CSMD2: variants seen among roughly 807,000 people sequenced by gnomAD.
CSMD2 encodes CUB and sushi domain-containing protein 2.
CSMD2 carries 130 observed loss-of-function variants against 398.5 expected under a neutral mutation model. That is an observed-to-expected ratio of 0.33 (90% CI 0.28 to 0.38). The LOEUF is 0.38. Among genes scored for constraint, CSMD2 ranks in the 10% least tolerant of loss-of-function variants. The pLI is 1.00. For missense variants in CSMD2, 3,829 were observed against 4,764.9 expected, an observed-to-expected ratio of 0.80 and a Z score of 5.78; for synonymous variants, 1,828 against 1,908.5, an observed-to-expected ratio of 0.96 and a Z score of 1.10.
intron 3 of CSMD2, among the ~76,000 whole-genome samples, chr1:33,993,799 T>C (rs1646638152): frequency 6.6e-6 from 1 of 152,118 alleles, no homozygotes; most frequent in Admixed American, 6.6e-5. Flanking sequence ...AAACTCACTC[T>C]CCTAGACCCC....
At chr1:33,570,933 C>T (rs1659538419) in intron 51 of CSMD2, among the ~76,000 whole-genome samples, 1 of 152,194 alleles carries the variant, frequency 6.6e-6, no homozygotes, top group South Asian at 2.1e-4. Context: ...TTCCTTCCCT[C>T]CTTTCCCTTC....
intron 6 of CSMD2, among the ~76,000 whole-genome samples, chr1:33,831,738 C>T (rs1659592027): frequency 1.3e-5 from 2 of 152,020 alleles, no homozygotes; most frequent in South Asian, 2.1e-4. Flanking sequence ...AGAGTCAAGA[C>T]CCATCAGTGT....
intron 64 of CSMD2, among the ~76,000 whole-genome samples, chr1:33,529,584 T>G (rs879539246): frequency 6.6e-6 from 1 of 152,090 alleles, no homozygotes; most frequent in Non-Finnish European, 1.5e-5. Context: ...GATAGCCACA[T>G]AAAAAAGAAT....
chr1:33,788,011 G>T (rs1262745312), intron 12 of CSMD2, among the ~76,000 whole-genome samples: 1 of 152,078 alleles, frequency 6.6e-6, no homozygotes, highest in South Asian at 2.1e-4. Context: ...AAATAAGTGA[G>T]GCCTCTTAAA....
At chr1:33,886,743 G>A (rs1260404239) in intron 5 of CSMD2, among the ~76,000 whole-genome samples, 2 of 152,188 alleles carry the variant, frequency 1.3e-5, no homozygotes, top group East Asian at 1.9e-4. Flanking sequence ...GACAGGCCTC[G>A]GCTAAGGGAC....
At chr1:33,970,606 G>A (rs1645726686) in intron 3 of CSMD2, among the ~76,000 whole-genome samples, 1 of 152,200 alleles carries the variant, frequency 6.6e-6, no homozygotes, top group Admixed American at 6.5e-5. Context: ...CTCCTTCCCA[G>A]CCCGGGCCTT....
rs941245128 is a variant in CSMD2, at chr1:33,617,369, G to C, written c.5946+130C>G. On this transcript the variant is annotated intron_variant, in intron 38 of 70. Transcript: ENST00000373381. ...CTTTTGCATGAACAGCTCCAGGAGA[G>C]GATAATGGTACCCGGGGGACCTGGG... 7.2e-6 allele frequency: 5 copies of C among 694,466 alleles called. No homozygotes were observed. In the African/African-American group the frequency reaches 8.8e-5, roughly 12 times the overall value. The allele number at this position is 694,466 out of a possible 1,614,324, so 43.0% of individuals were successfully genotyped here. A position where few individuals can be genotyped will look rare whatever the true frequency, so the allele number is the denominator to read the frequency against.
chr1:33,909,661 T>C (rs888045641), intron 5 of CSMD2, among the ~76,000 whole-genome samples: 8 of 152,072 alleles, frequency 5.3e-5, no homozygotes, highest in African/African-American at 1.9e-4. Flanking sequence ...ACAGTGACCA[T>C]AATGAAGGAG....
intron 5 of CSMD2, among the ~76,000 whole-genome samples, chr1:33,879,268 G>A (rs6694737): frequency 0.13 from 19,900 of 152,054 alleles, 1,949 homozygotes; most frequent in African/African-American, 0.28. Context: ...CTCCCACTAA[G>A]ATCCCAGGAG....
At chr1:34,022,142 T>G (rs1203044622) in intron 3 of CSMD2, among the ~76,000 whole-genome samples, 5 of 152,262 alleles carry the variant, frequency 3.3e-5, no homozygotes, top group African/African-American at 1.2e-4. Flanking sequence ...TAATCGGTAT[T>G]TATTGAGCAC....
At chr1:33,642,580 C>A (rs550665459) in intron 29 of CSMD2, among the ~76,000 whole-genome samples, 12 of 152,154 alleles carry the variant, frequency 7.9e-5, no homozygotes. Context: ...TGATTCCAGT[C>A]CTTTGGGAGT....
At chr1:33,548,202 G>A (rs545626474) in intron 56 of CSMD2, among the ~76,000 whole-genome samples, 1 of 152,294 alleles carries the variant, frequency 6.6e-6, no homozygotes, top group African/African-American at 2.4e-5. Context: ...CCAGGCTCAG[G>A]TATGTCTTTT....
At chr1:33,776,782 G>A (rs1053264806) in intron 12 of CSMD2, among the ~76,000 whole-genome samples, 2 of 152,028 alleles carry the variant, frequency 1.3e-5, no homozygotes, top group African/African-American at 4.8e-5. Context: ...AAGAGGCTTA[G>A]AATGAAGAAG....
chr1:34,158,247 T>G (rs1274561048), intron 1 of CSMD2, among the ~76,000 whole-genome samples: 2 of 152,178 alleles, frequency 1.3e-5, no homozygotes, highest in African/African-American at 4.8e-5. Flanking sequence ...AACCAAGCCC[T>G]TCTCAAAGCG....
At chr1:33,782,420 T>A (rs148565545) in intron 12 of CSMD2, among the ~76,000 whole-genome samples, 2 of 152,296 alleles carry the variant, frequency 1.3e-5, no homozygotes, top group African/African-American at 2.4e-5. Flanking sequence ...TGAGTCCTCA[T>A]GAGACCCTGG....
chr1:33,690,583 G>C (rs1645202482), intron 25 of CSMD2, among the ~76,000 whole-genome samples: 1 of 152,194 alleles, frequency 6.6e-6, no homozygotes, highest in Non-Finnish European at 1.5e-5. Context: ...ATGCATCAAT[G>C]AATGATGCTC....
At chr1:33,810,125 C>T (rs1352571197) in intron 10 of CSMD2, among the ~76,000 whole-genome samples, 2 of 151,878 alleles carry the variant, frequency 1.3e-5, no homozygotes, top group African/African-American at 4.8e-5. Flanking sequence ...ATAAAGATTC[C>T]AACAGGTTAT....
intron 3 of CSMD2, among the ~76,000 whole-genome samples, chr1:33,972,329 C>A (rs1051759422): frequency 6.6e-6 from 1 of 152,122 alleles, no homozygotes; most frequent in Admixed American, 6.5e-5. Flanking sequence ...TTAATTGATT[C>A]ATAGTTTTAG....
At chr1:33,985,913 T>C (rs1407820889) in intron 3 of CSMD2, among the ~76,000 whole-genome samples, 1 of 152,170 alleles carries the variant, frequency 6.6e-6, no homozygotes, top group Non-Finnish European at 1.5e-5. Context: ...GCGACTCATG[T>C]TCTGGTGGAA....
Sources: allele counts gnomAD v4.1 joint callset (sites outside exome capture counted in the v4.1 genomes callset), GRCh38; gene constraint gnomAD v4.1.1; transcripts MANE v1.5; gene names NCBI Gene and HGNC (gene_info 2026-07-23, HGNC 2026-07-21).